The following CSMD1 variants were observed in gnomAD, a reference collection of about 807,000 sequenced individuals.
CSMD1 encodes CUB and Sushi multiple domains 1, also known as CUB and sushi domain-containing protein 1.
Under a neutral mutation model 417.5 loss-of-function variants are expected in CSMD1, and 213 were observed. The ratio of observed to expected loss-of-function variants is 0.51; its 90% CI spans 0.46 to 0.57. The LOEUF is 0.57. CSMD1 is among the 20% of genes least tolerant of loss of function. The pLI is 0.00. For missense variants in CSMD1, 6,923 were observed against 4,529.7 expected, an observed-to-expected ratio of 1.53 and a Z score of -15.17; for synonymous variants, 2,862 against 1,736.8, an observed-to-expected ratio of 1.65 and a Z score of -16.11.
rs183860454 is a variant in CSMD1, at chr8:4,650,500, C to T, written c.86-12942G>A. 1.1e-4 allele frequency among the ~76,000 whole-genome samples: 17 copies of T among 152,236 alleles called. No homozygotes were observed. The East Asian group carries it at 2.9e-3, about 26-fold the overall frequency. On this transcript the variant is annotated intron_variant, in intron 1 of 69. Coordinates refer to ENST00000635120, the MANE Select transcript of CSMD1 (RefSeq NM_033225.6). ...CTAAGCTGTGGGCAAGAAATCAAAG[C>T]CCTGGCTTCTGCCTCTTATTTTAGC...
chr8:4,139,268 G>A (rs935768449), intron 3 of CSMD1, among the ~76,000 whole-genome samples: 1 of 152,184 alleles, frequency 6.6e-6, no homozygotes, highest in African/African-American at 2.4e-5. Flanking sequence ...TCAGTGTAAA[G>A]TGTTGCATAA....
At chr8:4,457,243 A>C (rs1799543686) in intron 2 of CSMD1, among the ~76,000 whole-genome samples, 1 of 152,098 alleles carries the variant, frequency 6.6e-6, no homozygotes, top group Non-Finnish European at 1.5e-5. Flanking sequence ...ATTCTCAACC[A>C]AGTGGTTTTA....
chr8:4,884,137 T>C (rs1364317271), intron 1 of CSMD1, among the ~76,000 whole-genome samples: 5 of 152,108 alleles, frequency 3.3e-5, no homozygotes, highest in Non-Finnish European at 7.4e-5. Context: ...GGGATCAATG[T>C]CTATTCACAC....
chr8:3,162,117 G>A (rs370179758), intron 38 of CSMD1, 42 bp downstream of exon 38: 191 of 1,260,582 alleles, frequency 1.5e-4, no homozygotes, highest in Non-Finnish European at 1.9e-4. Context: ...GCACAAAGAT[G>A]ACCATGTGTA....
chr8:4,634,738 T>G (rs1802724631), intron 2 of CSMD1, among the ~76,000 whole-genome samples: 1 of 152,174 alleles, frequency 6.6e-6, no homozygotes, highest in Non-Finnish European at 1.5e-5. Context: ...TAATTAGAAT[T>G]TGCTACTATT....
rs1023939008 is a variant in CSMD1, at chr8:3,966,464, T to G, written c.818+31439A>C. Reference sequence around the variant, plus strand: ...CCTACATATATTTTTTATAGATATATGTTTCCATTTCTGTTATTTATTTAT... The same window carrying G: ...CCTACATATATTTTTTATAGATATAGGTTTCCATTTCTGTTATTTATTTAT... On this transcript the variant is annotated intron_variant, in intron 5 of 69. Transcript: ENST00000635120. Among the ~76,000 whole-genome samples, 8 of 152,284 alleles carry G rather than the reference T, an allele frequency of 5.3e-5. No individual in the cohort carries two copies. In the East Asian group the frequency reaches 1.4e-3, roughly 26 times the overall value.
chr8:3,920,855 G>A (rs1051909582), intron 5 of CSMD1, among the ~76,000 whole-genome samples: 1 of 152,046 alleles, frequency 6.6e-6, no homozygotes, highest in African/African-American at 2.4e-5. Context: ...CCTTTAATGT[G>A]CTATTGAATT....
At chr8:4,105,036 A>G (rs1459849137) in intron 3 of CSMD1, among the ~76,000 whole-genome samples, 1 of 152,176 alleles carries the variant, frequency 6.6e-6, no homozygotes, top group Non-Finnish European at 1.5e-5. Context: ...TAGAAATGCT[A>G]AGGGCCTAAT....
At chr8:4,736,862 C>T (rs1405440254) in intron 1 of CSMD1, among the ~76,000 whole-genome samples, 2 of 152,122 alleles carry the variant, frequency 1.3e-5, no homozygotes, top group South Asian at 2.1e-4. Context: ...CTACCTAATG[C>T]AGAGCTGGTA....
chr8:4,515,727 T>C (rs1336707203), intron 2 of CSMD1, among the ~76,000 whole-genome samples: 2 of 152,156 alleles, frequency 1.3e-5, no homozygotes, highest in African/African-American at 2.4e-5. Context: ...TTATGAGCCC[T>C]GTAGAGCCCA....
At chr8:4,037,497 C>G (rs1360223909) in intron 3 of CSMD1, among the ~76,000 whole-genome samples, 3 of 152,068 alleles carry the variant, frequency 2.0e-5, no homozygotes, top group South Asian at 2.1e-4. Context: ...TTTTCTTTAC[C>G]TTAACATCTT....
intron 1 of CSMD1, among the ~76,000 whole-genome samples, chr8:4,869,200 T>C (rs1802588928): frequency 6.6e-6 from 1 of 151,982 alleles, no homozygotes; most frequent in South Asian, 2.1e-4. Flanking sequence ...ACACCTGCTA[T>C]AATTTAGAAC....
At chr8:3,524,469 C>T (rs1394440950) in intron 10 of CSMD1, among the ~76,000 whole-genome samples, 3 of 149,252 alleles carry the variant, frequency 2.0e-5, no homozygotes, top group Non-Finnish European at 3.0e-5. Context: ...GCATGCACAC[C>T]CAGAAAGACA....
chr8:3,000,290 CT>C (rs1010566067), intron 52 of CSMD1, among the ~76,000 whole-genome samples, 159 bp from the exon 53 acceptor site: 26 of 149,818 alleles, frequency 1.7e-4, no homozygotes, highest in African/African-American at 4.4e-4. Context: ...TATAGTTTTT[CT>C]TTTTTTTATT....
chr8:3,352,522 T>C (rs1808485356), intron 21 of CSMD1, among the ~76,000 whole-genome samples: 1 of 152,138 alleles, frequency 6.6e-6, no homozygotes, highest in South Asian at 2.1e-4. Flanking sequence ...TATTTGTCAC[T>C]TACACAGTGC....
chr8:3,138,998 G>A (rs1463426753), intron 41 of CSMD1, among the ~76,000 whole-genome samples: 2 of 152,208 alleles, frequency 1.3e-5, no homozygotes, highest in Non-Finnish European at 2.9e-5. Flanking sequence ...AGCAGTTACG[G>A]CTACTGGTGG....
chr8:4,104,527 C>A (rs899557407), intron 3 of CSMD1, among the ~76,000 whole-genome samples: 2 of 152,074 alleles, frequency 1.3e-5, no homozygotes, highest in Non-Finnish European at 2.9e-5. Flanking sequence ...CCCTCCCACA[C>A]CCTAAATTTG....
intron 49 of CSMD1, 83 bp downstream of exon 49, chr8:3,087,014 A>T: frequency 1.7e-6 from 2 of 1,204,652 alleles, no homozygotes; most frequent in Non-Finnish European, 2.4e-6. Flanking sequence ...ATTCTTAGTT[A>T]GTGCTTCATT....
At chr8:4,676,831 C>T (rs1805716646) in intron 1 of CSMD1, among the ~76,000 whole-genome samples, 1 of 151,422 alleles carries the variant, frequency 6.6e-6, no homozygotes, top group East Asian at 1.9e-4. Context: ...ATGTTTTGTT[C>T]TTCTGTCCTG....
Sources: gnomAD v4.1 joint callset for allele counts (sites outside exome capture counted in the v4.1 genomes callset) on GRCh38, gnomAD v4.1.1 for gene constraint, MANE v1.5 for transcripts, NCBI Gene and HGNC (gene_info 2026-07-23, HGNC 2026-07-21) for gene names.